CLSTN3: variants seen among roughly 807,000 people sequenced by gnomAD.
CLSTN3 encodes the protein calsyntenin 3.
In CLSTN3, 36 loss-of-function variants were observed where a neutral mutation model predicts 95.9. The observed-to-expected ratio is 0.38, with a 90% CI of 0.29 to 0.50. The LOEUF (loss-of-function observed/expected upper bound fraction) is 0.50, where lower values mean the gene tolerates loss of function less well. CLSTN3 is among the 20% of genes least tolerant of loss of function. The probability of loss-of-function intolerance (pLI) is 0.95; values close to 1 mark genes in which losing one functional copy is unlikely to be tolerated. For missense variants in CLSTN3, 1,084 were observed against 1,268.8 expected (o/e 0.85, Z 2.21); for synonymous variants, 481 against 504.0 (o/e 0.95, Z 0.61).
In CLSTN3 at chr12:7,142,891, C is replaced by G; in HGVS notation, c.1563C>G (p.His521Gln). 6.2e-7 allele frequency: 1 copy of G among 1,614,202 alleles called. No homozygotes were observed. The highest frequency in any genetic ancestry group is 2.2e-5 in the East Asian group (1 of 44,884). Reference protein sequence around the residue: ...TTQGDPLSIHHYFHGYLAGFS... With the variant: ...TTQGDPLSIHQYFHGYLAGFS... ...TAGGAGACCCTTTGTCGATCCACCA[C>G]TACTTCCATGGCTACCTGGCTGGTT... The change falls in exon 11 of 18, where the codon CAC becomes CAG. Residue 521 changes from histidine (H) to glutamine (Q), a missense_variant. His to Gln is a conservative substitution (Grantham distance 24). Coordinates refer to ENST00000266546, the MANE Select transcript of CLSTN3 (RefSeq NM_014718.4).
upstream of CLSTN3, chr12:7,129,741 C>T: frequency 1.0e-6 from 1 of 985,628 alleles, no homozygotes; most frequent in African/African-American, 1.7e-5. This position sits in a 1 kb window ranked among gnomAD's most constrained non-coding sequence, Gnocchi z 5.5. Context: ...TCAGAATCCA[C>T]TGGGCTTGGT....
At chr12:7,143,123 C>T (rs1339848476) in intron 11 of CLSTN3, 40 bp from the exon 12 acceptor site, 2 of 1,604,110 alleles carry the variant, frequency 1.2e-6, no homozygotes, top group Non-Finnish European at 1.7e-6. Flanking sequence ...TCTGCCACCT[C>T]CTGGCCCTGC....
In CLSTN3 at chr12:7,157,516, T is replaced by C. The variant is rs1009113130; in HGVS notation, c.2555T>C (p.Ile852Thr). Residue 852 changes from isoleucine to threonine, a missense_variant, in exon 17 of 18, where the codon ATT becomes ACT. Transcript: ENST00000266546. This position sits in a 1 kb window ranked among gnomAD's most constrained non-coding sequence, Gnocchi z 5.9. ...SMIPSAATLI[I>T]VVCVGFLVLM... ...ATACCCAGCGCCGCAACCCTCATCA[T>C]TGTGGTGTGCGTGGGCTTCCTGGTG... is the stretch of plus-strand genomic sequence containing the variant. The C allele has an allele frequency of 3.7e-6, 6 of 1,602,730 alleles. No individual in the cohort carries two copies. Among genetic ancestry groups the C allele is most frequent in the Admixed American group, 1.7e-5 (1 of 58,740 alleles).
At position 7,135,844 on chromosome 12, in the gene CLSTN3, G is replaced by A. The variant is rs137907950; in HGVS notation, c.633G>A (p.Glu211=). 5 of 1,613,844 alleles carry A rather than the reference G, an allele frequency of 3.1e-6. No individual in the cohort carries two copies. The Admixed American group carries it at 5.0e-5, about 16-fold the overall frequency. ...ENTEKLQYSG[E]RLYKFTVTAY... ...CAGAGAAGCTGCAGTACAGTGGTGAGAGGCTCTATAAGTTTACAGTGACAG... is the reference window on the plus strand; with the variant it reads ...CAGAGAAGCTGCAGTACAGTGGTGAAAGGCTCTATAAGTTTACAGTGACAG... Residue 211 remains glutamate (E), a synonymous_variant, in exon 5 of 18, where the codon GAG becomes GAA. Coordinates refer to ENST00000266546, the MANE Select transcript of CLSTN3 (RefSeq NM_014718.4).
At chr12:7,151,523 T>G (rs1939723770) in intron 16 of CLSTN3, among the ~76,000 whole-genome samples, 1 of 152,214 alleles carries the variant, frequency 6.6e-6, no homozygotes, top group Non-Finnish European at 1.5e-5. Context: ...TTGGTACTAT[T>G]ACATGTAAAA....
rs746760470 is a variant in CLSTN3 at position 7,143,151 on chromosome 12, T to C, written c.1699-12T>C. On this transcript the variant is annotated splice_polypyrimidine_tract_variant and intron_variant, in intron 11 of 17. Transcript: ENST00000266546. ...GGCCCTGCTCTCAGCTGTATCTGTG[T>C]CTGGGGCCCAGGTCCACGTGAACCC... is the stretch of plus-strand genomic sequence containing the variant. The C allele has an allele frequency of 3.1e-6, 5 of 1,611,364 alleles. No individual in the cohort carries two copies. In the Admixed American group the frequency reaches 8.4e-5, roughly 27 times the overall value.
Position 7,151,045 on chromosome 12 carries a change from A to G in CLSTN3, c.2509A>G (p.Ser837Gly), listed in dbSNP as rs191431924. Reference protein sequence around the residue: ...PPEMAGHSLASSHRNSMIPSA... With the variant: ...PPEMAGHSLAGSHRNSMIPSA... ...TGAGATGGCTGGACACAGCCTAGCC[A>G]GCTCCCACAGAAACTCCAGTACGTA... The change falls in exon 16 of 18, where the codon AGC becomes GGC. Residue 837 changes from serine (S) to glycine (G), a missense_variant. Ser to Gly is a moderately conservative substitution (Grantham distance 56). Transcript: ENST00000266546. 4 of 1,603,024 alleles carry G rather than the reference A, an allele frequency of 2.5e-6. No homozygotes were observed. The East Asian group carries it at 6.7e-5, about 27-fold the overall frequency.
At chr12:7,142,248 C>T in intron 10 of CLSTN3, 109 bp downstream of exon 10, 1 of 878,696 alleles carries the variant, frequency 1.1e-6, no homozygotes, top group Non-Finnish European at 1.8e-6. Flanking sequence ...CCTCCTAGGC[C>T]ACCAGGGGGC....
At chr12:7,144,486 GACTACATGATAT>G (rs1939588657) in intron 12 of CLSTN3, among the ~76,000 whole-genome samples, 1 of 152,204 alleles carries the variant, frequency 6.6e-6, no homozygotes, top group Non-Finnish European at 1.5e-5. Context: ...TTGTTACGAT[GACTACATGATAT>G]AATCTGGATC....
In CLSTN3 at chr12:7,143,257, C is replaced by T. The variant is rs1224936159; in HGVS notation, c.1793C>T (p.Thr598Ile). ...HALQHVAYMNTLRFATPGVRP... is the reference protein window; with the variant it reads ...HALQHVAYMNILRFATPGVRP... ...CTGCAGCATGTGGCTTACATGAACACTCTGCGCTTTGCCACGCCCGGCGTC... is the reference window on the plus strand; with the variant it reads ...CTGCAGCATGTGGCTTACATGAACATTCTGCGCTTTGCCACGCCCGGCGTC... Residue 598 changes from threonine to isoleucine, a missense_variant, in exon 12 of 18, where the codon ACT (threonine) becomes ATT (isoleucine). Coordinates refer to ENST00000266546, the MANE Select transcript of CLSTN3 (RefSeq NM_014718.4). The T allele has an allele frequency of 6.2e-7, 1 of 1,613,514 alleles. No homozygotes were observed. Among genetic ancestry groups the T allele is most frequent in the South Asian group, 1.1e-5 (1 of 91,086 alleles).
At chr12:7,155,532 G>A (rs1939800360) in intron 16 of CLSTN3, among the ~76,000 whole-genome samples, 1 of 152,220 alleles carries the variant, frequency 6.6e-6, no homozygotes, top group South Asian at 2.1e-4. Context: ...CCCTTCTGGA[G>A]CCTGGGCTTA....
At position 7,130,638 on chromosome 12, in the gene CLSTN3, C is replaced by G. The variant is rs896580727; in HGVS notation, c.-11C>G. On this transcript the variant is annotated 5_prime_UTR_variant, in exon 1 of 18. Transcript: ENST00000266546. ...GCAAACGCCTGGCCCTGCCCTGCCC[C>G]ACGCCGCACCATGACCCTCCTGCTG... 6.4e-7 allele frequency: 1 copy of G among 1,563,064 alleles called. No individual in the cohort carries two copies. The highest frequency in any genetic ancestry group is 8.7e-7 in the Non-Finnish European group (1 of 1,153,378).
At chr12:7,151,147 G>C in intron 16 of CLSTN3, 84 bp downstream of exon 16, 1 of 1,421,976 alleles carries the variant, frequency 7.0e-7, no homozygotes, top group South Asian at 1.5e-5. Flanking sequence ...CTCCACCTCT[G>C]GGAGAGGACA....
intron 3 of CLSTN3, among the ~76,000 whole-genome samples, chr12:7,134,940 G>C (rs1311984928): frequency 6.6e-6 from 1 of 152,154 alleles, no homozygotes; most frequent in Non-Finnish European, 1.5e-5. Context: ...GATGCAGCTT[G>C]GTGCCCTGTG....
At position 7,136,352 on chromosome 12, in the gene CLSTN3, C is replaced by A; in HGVS notation, c.889C>A (p.Arg297Ser). 2 of 1,614,072 alleles carry A rather than the reference C, an allele frequency of 1.2e-6. No individual in the cohort carries two copies. Among genetic ancestry groups the A allele is most frequent in the Non-Finnish European group, 1.7e-6 (2 of 1,179,978 alleles). ...CAGCCATGTGGCCAAGGGCTGTGACCGTGACAACTACTCAGAGCGGGCGCT... is the reference window on the plus strand; with the variant it reads ...CAGCCATGTGGCCAAGGGCTGTGACAGTGACAACTACTCAGAGCGGGCGCT... ...QTSHVAKGCD[R>S]DNYSERALRK... is the part of the protein sequence containing the mutation. The change falls in exon 6 of 18, where the codon CGT becomes AGT. Residue 297 changes from arginine (R) to serine (S), a missense_variant. Transcript: ENST00000266546.
upstream of CLSTN3, chr12:7,129,835 C>A: frequency 1.0e-6 from 1 of 984,814 alleles, no homozygotes; most frequent in Non-Finnish European, 1.2e-6. The surrounding 1 kb of genome is among the most constrained non-coding windows in gnomAD (Gnocchi z 5.5). Flanking sequence ...CAGGTGCGTG[C>A]GCGAGGGGTG....
chr12:7,154,063 T>C (rs978079800), intron 16 of CLSTN3, among the ~76,000 whole-genome samples: 3 of 152,224 alleles, frequency 2.0e-5, no homozygotes. Flanking sequence ...GCTTCTTCTC[T>C]TATTTTGACC....
intron 12 of CLSTN3, among the ~76,000 whole-genome samples, chr12:7,144,985 G>T (rs1241034809): frequency 2.3e-3 from 355 of 152,320 alleles, no homozygotes; most frequent in African/African-American, 7.4e-3. Flanking sequence ...CTGTCATCCA[G>T]TTATGAAAGG....
Position 7,157,789 on chromosome 12 carries a change from C to A in CLSTN3, c.2730+98C>A. 2.0e-6 allele frequency: 3 copies of A among 1,493,224 alleles called. No individual in the cohort carries two copies. Among genetic ancestry groups the A allele is most frequent in the Middle Eastern group, 2.0e-4 (1 of 4,908 alleles). 92.5% of individuals were successfully genotyped at this position (1,493,224 alleles called of 1,614,324 possible). A position where few individuals can be genotyped will look rare whatever the true frequency, so the allele number is the denominator to read the frequency against. ...GGGGCAGGCCTGGGTGGAGGCTGTTCGCAGAGCTGCAGTGAGCCGGAGGGA... is the reference window on the plus strand; with the variant it reads ...GGGGCAGGCCTGGGTGGAGGCTGTTAGCAGAGCTGCAGTGAGCCGGAGGGA... On this transcript the variant is annotated intron_variant, in intron 17 of 17. Transcript: ENST00000266546. The surrounding 1 kb of genome is among the most constrained non-coding windows in gnomAD (Gnocchi z 5.9).
Sources: gnomAD v4.1 joint callset for allele counts (sites outside exome capture counted in the v4.1 genomes callset) on GRCh38, gnomAD v4.1.1 for gene constraint, Gnocchi (gnomAD v3.1) non-coding constraint, MANE v1.5 for transcripts, NCBI Gene and HGNC (gene_info 2026-07-23, HGNC 2026-07-21) for gene names.